ANKRD17: variants seen among roughly 807,000 people sequenced by gnomAD.
ANKRD17 encodes ankyrin repeat domain-containing protein 17.
A neutral mutation model predicts 229.7 loss-of-function variants in ANKRD17; 19 were observed. The ratio of observed to expected loss-of-function variants is 0.08; its 90% CI spans 0.06 to 0.12. ANKRD17 has a LOEUF of 0.12. Among genes scored for constraint, ANKRD17 ranks in the 10% least tolerant of loss-of-function variants. The pLI is 1.00. For synonymous variants in ANKRD17, 1,112 were observed against 1,146.1 expected, an observed-to-expected ratio of 0.97 and a Z score of 0.60; for missense variants, 2,176 against 3,176.8, an observed-to-expected ratio of 0.68 and a Z score of 7.57.
intron 13 of ANKRD17, 41 bp downstream of exon 13, chr4:73,142,201 A>T: frequency 6.7e-7 from 1 of 1,502,270 alleles, no homozygotes; most frequent in Admixed American, 2.6e-5. Flanking sequence ...ATTAGGATAA[A>T]GAAGACATAC....
At chr4:73,078,392 G>T (rs531389642) in intron 31 of ANKRD17, among the ~76,000 whole-genome samples, 1 of 152,062 alleles carries the variant, frequency 6.6e-6, no homozygotes, top group African/African-American at 2.4e-5. Context: ...AAAAAAATTA[G>T]CTGGGCATGG....
At chr4:73,165,846 C>T (rs1042216094) in intron 2 of ANKRD17, among the ~76,000 whole-genome samples, 2 of 152,104 alleles carry the variant, frequency 1.3e-5, no homozygotes, top group African/African-American at 4.8e-5. Context: ...ATGGAGATGA[C>T]AGCCCATAAA....
intron 5 of ANKRD17, among the ~76,000 whole-genome samples, chr4:73,154,627 A>G (rs911354958): frequency 6.6e-5 from 10 of 152,214 alleles, no homozygotes; most frequent in East Asian, 1.9e-4. Flanking sequence ...TTTGAATTCA[A>G]TAATTTCTAA....
At chr4:73,142,099 T>G in intron 13 of ANKRD17, 143 bp downstream of exon 13, 1 of 898,874 alleles carries the variant, frequency 1.1e-6, no homozygotes, top group Non-Finnish European at 1.6e-6. Flanking sequence ...GTACCAGATG[T>G]TCATTAACTG....
At chr4:73,137,928 G>C (rs1729115387) in intron 15 of ANKRD17, among the ~76,000 whole-genome samples, 1 of 152,034 alleles carries the variant, frequency 6.6e-6, no homozygotes, top group South Asian at 2.1e-4. Flanking sequence ...AATCATTGTT[G>C]ACAACTATGC....
At position 73,192,626 on chromosome 4, in the gene ANKRD17, A is replaced by C. The variant is rs138193802; in HGVS notation, c.394-15093T>G. ...TAATGAGAAAAAACAACTTCTTTAG[A>C]CTTTCAAACAAAAATATAAAGAATC... is the stretch of plus-strand genomic sequence containing the variant. On this transcript the variant is annotated intron_variant, in intron 1 of 33. Coordinates refer to ENST00000358602, the MANE Select transcript of ANKRD17 (RefSeq NM_032217.5). Among the ~76,000 whole-genome samples the C allele has an allele frequency of 2.0e-3, 303 of 152,268 alleles. 2 individuals carry two copies. The highest frequency in any genetic ancestry group is 6.6e-3 in the African/African-American group (276 of 41,582).
At chr4:73,184,713 A>C (rs1185133635) in intron 1 of ANKRD17, among the ~76,000 whole-genome samples, 1 of 152,072 alleles carries the variant, frequency 6.6e-6, no homozygotes, top group Non-Finnish European at 1.5e-5. Flanking sequence ...TTCCATAAAT[A>C]CACAATAAAG....
In ANKRD17 at chr4:73,205,292, T is replaced by C. The variant is rs947904073; in HGVS notation, c.394-27759A>G. ...ATGGTCATGCCACTGCACTCCAGCCTGGGTGACAGAGTAAGACCATTTCTA... is the reference window on the plus strand; with the variant it reads ...ATGGTCATGCCACTGCACTCCAGCCCGGGTGACAGAGTAAGACCATTTCTA... On this transcript the variant is annotated intron_variant, in intron 1 of 33. Transcript: ENST00000358602. 2.0e-5 allele frequency among the ~76,000 whole-genome samples: 3 copies of C among 152,238 alleles called. No homozygotes were observed. The South Asian group carries it at 6.2e-4, about 32-fold the overall frequency.
chr4:73,177,725 T>C (rs1054223522), intron 1 of ANKRD17, among the ~76,000 whole-genome samples, 192 bp from the exon 2 acceptor site: 18 of 152,348 alleles, frequency 1.2e-4, no homozygotes, highest in African/African-American at 4.1e-4. Context: ...GAAATTTTTT[T>C]GTGGAAGAAT....
In ANKRD17 at chr4:73,074,816, T is replaced by G. The variant is rs970214001; in HGVS notation, c.*1415A>C. On this transcript the variant is annotated 3_prime_UTR_variant, in exon 34 of 34. Transcript: ENST00000358602. ...TTACTCGATTTTTATGCTTACTTTC[T>G]TTTACATTTCAACCATATAATTAAT... 1.3e-5 allele frequency: 2 copies of G among 152,476 alleles called. No homozygotes were observed. Among genetic ancestry groups the G allele is most frequent in the African/African-American group, 4.8e-5 (2 of 41,444 alleles). The allele number at this position is 152,476 out of a possible 1,614,324, so 9.4% of individuals were successfully genotyped here.
At chr4:73,081,631 T>G (rs1200685140) in intron 30 of ANKRD17, among the ~76,000 whole-genome samples, 1 of 152,234 alleles carries the variant, frequency 6.6e-6, no homozygotes, top group Non-Finnish European at 1.5e-5. Flanking sequence ...GGGGCAGATC[T>G]AGGTTTTGTG....
At chr4:73,156,224 CATAA>C (rs1731639913) in intron 3 of ANKRD17, 58 bp from the exon 4 acceptor site, 10 of 1,512,484 alleles carry the variant, frequency 6.6e-6, no homozygotes, top group Non-Finnish European at 8.8e-6. Context: ...AATTGCACAG[CATAA>C]ATATTGTTTT....
chr4:73,153,776 T>C (rs1007267597), intron 6 of ANKRD17, 104 bp downstream of exon 6: 1 of 804,202 alleles, frequency 1.2e-6, no homozygotes, highest in Non-Finnish European at 1.8e-6. Flanking sequence ...TTACATACTA[T>C]ATACTATCAT....
intron 1 of ANKRD17, among the ~76,000 whole-genome samples, chr4:73,179,801 T>A (rs537878867): frequency 7.2e-5 from 11 of 151,816 alleles, no homozygotes; most frequent in East Asian, 5.8e-4. Flanking sequence ...AGTAAAAGTA[T>A]GAGAAAGGAA....
At position 73,258,346 on chromosome 4, in the gene ANKRD17, C is replaced by A. The variant is rs767734584; in HGVS notation, c.323G>T (p.Gly108Val). Residue 108 changes from glycine to valine, a missense_variant, in exon 1 of 34, where the codon GGC (glycine) becomes GTC (valine). Around this residue, in one of 18 missense-constraint regions of ANKRD17, gnomAD observed 196 missense variants for 190.0 expected, o/e 1.03. Transcript: ENST00000358602. ...GCTGTTGTTACTGCTGGTGCCGCCG[C>A]CGCCACCTCCGCCTCCACCGCCGCC... ...GGGGGGGGGG[G>V]GGTSSNNSEE... 6.2e-7 allele frequency: 1 copy of A among 1,612,598 alleles called. No homozygotes were observed. Among genetic ancestry groups the A allele is most frequent in the South Asian group, 1.1e-5 (1 of 91,060 alleles).
chr4:73,073,844 G>A lies in ANKRD17; in HGVS notation c.*2387C>T, dbSNP rs912771883. 1.1e-4 allele frequency: 16 copies of A among 152,070 alleles called. No homozygotes were observed. Among genetic ancestry groups the A allele is most frequent in the African/African-American group, 3.9e-4 (16 of 41,554 alleles). The allele number at this position is 152,070 out of a possible 1,614,324, so 9.4% of individuals were successfully genotyped here. A position where few individuals can be genotyped will look rare whatever the true frequency, so the allele number is the denominator to read the frequency against. ...ATAATTGAGATATTAACTACTTGGG[G>A]ATTTAAGGTGTGAACTAACCCAAGT... On this transcript the variant is annotated 3_prime_UTR_variant, in exon 34 of 34. Transcript: ENST00000358602.
intron 2 of ANKRD17, among the ~76,000 whole-genome samples, chr4:73,166,720 TA>T (rs1269614646): frequency 7.1e-6 from 1 of 140,000 alleles, no homozygotes; most frequent in East Asian, 2.1e-4. Flanking sequence ...GCAAAATCCA[TA>T]AAGTGAGAGA....
chr4:73,217,663 G>A (rs1741260427), intron 1 of ANKRD17, among the ~76,000 whole-genome samples: 1 of 152,004 alleles, frequency 6.6e-6, no homozygotes, highest in Admixed American at 6.6e-5. Context: ...ACTGCACCTA[G>A]CCAAAGATCA....
rs764758160 is a variant in ANKRD17, at chr4:73,141,862, A to C, written c.2230-19T>G. The C allele has an allele frequency of 6.4e-7, 1 of 1,571,538 alleles. No homozygotes were observed. Among genetic ancestry groups the C allele is most frequent in the East Asian group, 2.2e-5 (1 of 44,626 alleles). ...GAGGAGCCTAAGACAAAGGACACTA[A>C]GTGACTATTAGTGTCCTACACAATC... On this transcript the variant is annotated intron_variant, in intron 13 of 33. Transcript: ENST00000358602.
Sources: allele counts gnomAD v4.1 joint callset (sites outside exome capture counted in the v4.1 genomes callset), GRCh38; gene constraint gnomAD v4.1.1; regional missense constraint gnomAD v4.1.1; transcripts MANE v1.5; gene names NCBI Gene and HGNC (gene_info 2026-07-23, HGNC 2026-07-21).